The following CARD19 variants were observed in gnomAD, a reference collection of about 807,000 sequenced individuals.
CARD19 encodes caspase recruitment domain family member 19, also known as caspase recruitment domain-containing protein 19.
Under a neutral mutation model 24.1 loss-of-function variants are expected in CARD19, and 25 were observed. The ratio of observed to expected loss-of-function variants is 1.04; its 90% CI spans 0.76 to 1.45. The LOEUF is 1.45. CARD19 is among the 40% of genes most tolerant of loss of function. The pLI is 0.00. For missense variants in CARD19, 241 were observed against 247.4 expected, an observed-to-expected ratio of 0.97 and a Z score of 0.17; for synonymous variants, 103 against 104.9, an observed-to-expected ratio of 0.98 and a Z score of 0.11.
At chr9:93,111,697 G>A in intron 3 of CARD19, 182 bp from the exon 4 acceptor site, 1 of 1,420,900 alleles carries the variant, frequency 7.0e-7, no homozygotes, top group Non-Finnish European at 9.2e-7. Context: ...TCCAGGAGTT[G>A]GAGCAGAGGA....
rs1826859625 is a variant in CARD19 at position 93,096,389 on chromosome 9, C to A, written c.7+37C>A. The A allele has an allele frequency of 8.2e-7, 1 of 1,224,696 alleles. No homozygotes were observed. The highest frequency in any genetic ancestry group is 1.0e-6 in the Non-Finnish European group (1 of 983,224). 75.9% of individuals were successfully genotyped at this position (1,224,696 alleles called of 1,614,324 possible). A position where few individuals can be genotyped will look rare whatever the true frequency, so the allele number is the denominator to read the frequency against. On this transcript the variant is annotated intron_variant, in intron 1 of 5. Transcript: ENST00000375464. The surrounding 1 kb of genome is among the most constrained non-coding windows in gnomAD (Gnocchi z 5.4). ...GTCGGCTGGGCGGCAGGGATGCGGGCGCCCTGGATGGGTGGCCCGGCCCGG... is the reference window on the plus strand; with the variant it reads ...GTCGGCTGGGCGGCAGGGATGCGGGAGCCCTGGATGGGTGGCCCGGCCCGG...
chr9:93,107,619 C>T (rs527320998), intron 1 of CARD19, 55 bp from the exon 2 acceptor site: 51 of 1,600,876 alleles, frequency 3.2e-5, no homozygotes, highest in South Asian at 1.5e-4. Flanking sequence ...ACGAGGCTGT[C>T]GTCTCTGGTC....
chr9:93,112,033 A>G (rs1454301364), intron 4 of CARD19, 95 bp downstream of exon 4: 3 of 1,483,440 alleles, frequency 2.0e-6, no homozygotes, highest in Non-Finnish European at 2.7e-6. Context: ...GGGCTTCTCC[A>G]CCCCAAGTCT....
chr9:93,108,343 G>A (rs533977483), intron 2 of CARD19, among the ~76,000 whole-genome samples: 33 of 152,090 alleles, frequency 2.2e-4, no homozygotes, highest in Non-Finnish European at 3.8e-4. Flanking sequence ...ATTACTGTAC[G>A]AGGCTGGAAA....
chr9:93,110,386 G>A (rs765068333), intron 2 of CARD19, 182 bp from the exon 3 acceptor site: 724 of 945,608 alleles, frequency 7.7e-4, no homozygotes, highest in Non-Finnish European at 1.0e-3. Flanking sequence ...GCCTGTGACA[G>A]AGGCAATGCC....
intron 3 of CARD19, chr9:93,110,984 C>A: frequency 6.6e-7 from 1 of 1,507,950 alleles, no homozygotes; most frequent in African/African-American, 1.4e-5. Flanking sequence ...GCAGTTTTCA[C>A]ACAGCATGGG....
chr9:93,100,314 T>G (rs140521656), intron 1 of CARD19, among the ~76,000 whole-genome samples: 1,642 of 152,278 alleles, frequency 0.011, 27 homozygotes, highest in African/African-American at 0.037. Context: ...TTTGTTTTTG[T>G]TTTTGGTTTT....
At chr9:93,111,498 G>T in intron 3 of CARD19, 1 of 1,103,694 alleles carries the variant, frequency 9.1e-7, no homozygotes, top group Non-Finnish European at 1.1e-6. Context: ...GCCTCCCCAC[G>T]CCTCACAGAA....
intron 1 of CARD19, among the ~76,000 whole-genome samples, chr9:93,106,413 C>CTAAAAAAAA (rs1293924104): frequency 0.057 from 321 of 5,586 alleles, 9 homozygotes; most frequent in Non-Finnish European, 0.12. Flanking sequence ...CCTGTCTCTA[C>CTAAAAAAAA]TAAAAAAAAA....
intron 3 of CARD19, chr9:93,111,506 G>T: frequency 8.9e-7 from 1 of 1,126,600 alleles, no homozygotes; most frequent in Non-Finnish European, 1.1e-6. Flanking sequence ...ACGCCTCACA[G>T]AACACAGTGC....
At chr9:93,097,455 C>T (rs1826920183) in intron 1 of CARD19, among the ~76,000 whole-genome samples, 1 of 152,182 alleles carries the variant, frequency 6.6e-6, no homozygotes, top group Admixed American at 6.5e-5. Context: ...ACTTACTGTG[C>T]ATTGGACCCT....
intron 1 of CARD19, among the ~76,000 whole-genome samples, chr9:93,103,917 ATC>A (rs1276129348): frequency 1.3e-5 from 2 of 152,226 alleles, no homozygotes; most frequent in East Asian, 3.8e-4. Flanking sequence ...ATTAGGTTCT[ATC>A]TCTCAGTACT....
At position 93,110,641 on chromosome 9, in the gene CARD19, G is replaced by A. The variant is rs753787468; in HGVS notation, c.224G>A (p.Arg75Gln). Reference protein sequence around the residue: ...LLSHLQRSGERDCQEFYRALY... With the variant: ...LLSHLQRSGEQDCQEFYRALY... ...AGCCACCTGCAGCGGAGCGGTGAGCGGGACTGCCAGGAGTTCTACCGAGCC... is the reference window on the plus strand; with the variant it reads ...AGCCACCTGCAGCGGAGCGGTGAGCAGGACTGCCAGGAGTTCTACCGAGCC... Residue 75 changes from arginine to glutamine, a missense_variant, in exon 3 of 6, where the codon CGG (arginine) becomes CAG (glutamine). Coordinates refer to ENST00000375464, the MANE Select transcript of CARD19 (RefSeq NM_032310.5). The A allele has an allele frequency of 1.7e-5, 27 of 1,613,708 alleles. No individual in the cohort carries two copies. Among genetic ancestry groups the A allele is most frequent in the Admixed American group, 1.0e-4 (6 of 60,000 alleles).
Position 93,110,677 on chromosome 9 carries a change from A to G in CARD19, c.260A>G (p.His87Arg). The change falls in exon 3 of 6, where the codon CAT (histidine) becomes CGT (arginine). Residue 87 changes from histidine (H) to arginine (R), a missense_variant. Transcript: ENST00000375464. ...GAGTTCTACCGAGCCCTGTATATCC[A>G]TGCCCAGCCCCTGCACAGCCGCCTG... The part of the protein sequence containing the change: ...CQEFYRALYI[H>R]AQPLHSRLPS... 1.2e-6 allele frequency: 2 copies of G among 1,613,258 alleles called. No homozygotes were observed. The highest frequency in any genetic ancestry group is 2.2e-5 in the East Asian group (1 of 44,870).
At position 93,107,749 on chromosome 9, in the gene CARD19, T is replaced by A. The variant is rs747967339; in HGVS notation, c.83T>A (p.Val28Glu). Reference sequence around the variant, plus strand: ...CATGGGCGCTTGAGTGAGCAGCAGGTGGACAGGATCATCCTCCAGCTGAAC... The same window carrying A: ...CATGGGCGCTTGAGTGAGCAGCAGGAGGACAGGATCATCCTCCAGCTGAAC... ...TGHGRLSEQQ[V>E]DRIILQLNRY... is the part of the protein sequence containing the mutation. Residue 28 changes from valine to glutamate, a missense_variant, in exon 2 of 6, where the codon GTG becomes GAG. Coordinates refer to ENST00000375464, the MANE Select transcript of CARD19 (RefSeq NM_032310.5). 1 of 1,614,200 alleles carries A rather than the reference T, an allele frequency of 6.2e-7. No individual in the cohort carries two copies. Among genetic ancestry groups the A allele is most frequent in the Admixed American group, 1.7e-5 (1 of 60,028 alleles).
chr9:93,108,759 A>C (rs1827357082), intron 2 of CARD19, among the ~76,000 whole-genome samples: 1 of 152,220 alleles, frequency 6.6e-6, no homozygotes, highest in Non-Finnish European at 1.5e-5. Context: ...TCACTCTGTC[A>C]CATGGCCCTG....
rs1793538544 is a variant in CARD19 at position 93,096,999 on chromosome 9, C to T, written c.7+647C>T. On this transcript the variant is annotated intron_variant, in intron 1 of 5. Transcript: ENST00000375464. This position sits in a 1 kb window ranked among gnomAD's most constrained non-coding sequence, Gnocchi z 5.4. ...TCCACGCTAGTGGCCCCAGCCCAGC[C>T]TTCCTCCCCAGGGCCTCTCTGGTCT... 6.6e-6 allele frequency among the ~76,000 whole-genome samples: 1 copy of T among 152,184 alleles called. No individual in the cohort carries two copies. Among genetic ancestry groups the T allele is most frequent in the East Asian group, 1.9e-4 (1 of 5,196 alleles).
rs1381436470 is a variant in CARD19 at position 93,111,689 on chromosome 9, C to G, written c.305-190C>G. 5 of 1,416,290 alleles carry G rather than the reference C, an allele frequency of 3.5e-6. No individual in the cohort carries two copies. The African/African-American group carries it at 7.2e-5, about 20-fold the overall frequency. The allele number at this position is 1,416,290 out of a possible 1,614,324, so 87.7% of individuals were successfully genotyped here. A position where few individuals can be genotyped will look rare whatever the true frequency, so the allele number is the denominator to read the frequency against. On this transcript the variant is annotated intron_variant, in intron 3 of 5. Transcript: ENST00000375464. ...GCTCCCGGGTGCCTTTAGGCCCGTC[C>G]AGGAGTTGGAGCAGAGGAGAAGACC...
At position 93,110,706 on chromosome 9, in the gene CARD19, A is replaced by G; in HGVS notation, c.289A>G (p.Ser97Gly). ...CCAGCCCCTGCACAGCCGCCTGCCC[A>G]GCCGCCACGCTCTGCGTAAGTTCCA... is the stretch of plus-strand genomic sequence containing the variant. ...HAQPLHSRLPSRHALQNSDCT... is the reference protein window; with the variant it reads ...HAQPLHSRLPGRHALQNSDCT... The change falls in exon 3 of 6, where the codon AGC becomes GGC. Residue 97 changes from serine (S) to glycine (G), a missense_variant. Ser to Gly is a moderately conservative substitution (Grantham distance 56, BLOSUM62 0). Coordinates refer to ENST00000375464, the MANE Select transcript of CARD19 (RefSeq NM_032310.5). 1 of 1,611,846 alleles carries G rather than the reference A, an allele frequency of 6.2e-7. No homozygotes were observed. The highest frequency in any genetic ancestry group is 2.2e-5 in the East Asian group (1 of 44,874).
Sources: gnomAD v4.1 joint callset for allele counts (sites outside exome capture counted in the v4.1 genomes callset) on GRCh38, gnomAD v4.1.1 for gene constraint, Gnocchi (gnomAD v3.1) non-coding constraint, MANE v1.5 for transcripts, NCBI Gene and HGNC (gene_info 2026-07-23, HGNC 2026-07-21) for gene names.